The following IGSF11 variants were observed in gnomAD, a reference collection of about 807,000 sequenced individuals.
The protein encoded by IGSF11 is CXADR like 1.
A neutral mutation model predicts 41.0 loss-of-function variants in IGSF11; 22 were observed. The ratio of observed to expected loss-of-function variants is 0.54; its 90% CI spans 0.38 to 0.77. IGSF11 has a LOEUF of 0.77. Among genes scored for constraint, IGSF11 ranks in the 30% least tolerant of loss-of-function variants. IGSF11 has a pLI of 0.00. For missense variants in IGSF11, 444 were observed against 530.8 expected (o/e 0.84, Z 1.61); for synonymous variants, 219 against 201.3 (o/e 1.09, Z -0.74).
chr3:119,135,383 C>A (rs1474811585), intron 1 of IGSF11, among the ~76,000 whole-genome samples: 1 of 152,102 alleles, frequency 6.6e-6, no homozygotes, highest in Non-Finnish European at 1.5e-5. Context: ...ACAAACAACC[C>A]CATCAAAAAG....
At position 119,112,476 on chromosome 3, in the gene IGSF11, G is replaced by A. The variant is rs562251239; in HGVS notation, c.-13-7271C>T. Among the ~76,000 whole-genome samples the A allele has an allele frequency of 8.5e-5, 13 of 152,252 alleles. No individual in the cohort carries two copies. The South Asian group carries it at 1.2e-3, about 15-fold the overall frequency. On this transcript the variant is annotated intron_variant, in intron 1 of 7. Transcript: ENST00000425327. ...CGCAGTATTTGGGTGGGAGTGACCCGATTTTCCAGGTGCCGTCTGTCACCC... is the reference window on the plus strand; with the variant it reads ...CGCAGTATTTGGGTGGGAGTGACCCAATTTTCCAGGTGCCGTCTGTCACCC...
intron 1 of IGSF11, among the ~76,000 whole-genome samples, chr3:118,968,628 CAG>C (rs1319473292): frequency 1.3e-5 from 2 of 152,142 alleles, no homozygotes; most frequent in Admixed American, 1.3e-4. Flanking sequence ...TTACACAAGA[CAG>C]AGCAATAACT....
intron 1 of IGSF11, among the ~76,000 whole-genome samples, chr3:118,940,055 A>G (rs1443121756): frequency 6.6e-6 from 1 of 152,202 alleles, no homozygotes; most frequent in Non-Finnish European, 1.5e-5. Context: ...AGAAGAACAA[A>G]GAGATATTAT....
intron 1 of IGSF11, among the ~76,000 whole-genome samples, chr3:119,103,761 A>G (rs745725481): frequency 1.3e-5 from 2 of 152,202 alleles, no homozygotes; most frequent in Admixed American, 6.5e-5. Context: ...ATTCCTACCA[A>G]TCCTGCTTCT....
At chr3:119,056,797 G>C (rs1244217633) in intron 1 of IGSF11, among the ~76,000 whole-genome samples, 1 of 152,148 alleles carries the variant, frequency 6.6e-6, no homozygotes, top group African/African-American at 2.4e-5. Flanking sequence ...CTTCATCCCT[G>C]GGATGCAAGG....
chr3:118,984,980 A>G (rs543431652), intron 1 of IGSF11, among the ~76,000 whole-genome samples: 4 of 152,186 alleles, frequency 2.6e-5, no homozygotes, highest in Non-Finnish European at 5.9e-5. Context: ...CCACCAAGGC[A>G]TTTACATTTA....
intron 2 of IGSF11, among the ~76,000 whole-genome samples, 185 bp from the exon 3 acceptor site, chr3:118,928,901 C>G (rs1942602564): frequency 6.6e-6 from 1 of 151,918 alleles, no homozygotes; most frequent in African/African-American, 2.4e-5. Context: ...GTTTTAAATT[C>G]TCACATAACA....
chr3:119,007,625 C>G (rs1177653548), intron 1 of IGSF11, among the ~76,000 whole-genome samples: 1 of 152,106 alleles, frequency 6.6e-6, no homozygotes, highest in Non-Finnish European at 1.5e-5. Context: ...TTTCACCTAT[C>G]CTTTCCCCTT....
intron 1 of IGSF11, among the ~76,000 whole-genome samples, chr3:119,032,438 G>A (rs1940493224): frequency 6.6e-6 from 1 of 152,154 alleles, no homozygotes; most frequent in African/African-American, 2.4e-5. Flanking sequence ...CCGCCCCACA[G>A]TAAGGAAACT....
intron 4 of IGSF11, among the ~76,000 whole-genome samples, chr3:118,916,713 A>G (rs976495097): frequency 6.6e-6 from 1 of 152,006 alleles, no homozygotes; most frequent in Admixed American, 6.6e-5. Flanking sequence ...CAGAAAGTCA[A>G]CAAGGATACC....
intron 1 of IGSF11, chr3:118,947,265 T>C (rs761596386): frequency 6.6e-6 from 1 of 152,186 alleles, no homozygotes; most frequent in Non-Finnish European, 1.5e-5. Flanking sequence ...GCAAAATGGC[T>C]TGCAACTAAT....
Position 118,964,020 on chromosome 3 carries a change from G to A in IGSF11, c.53-33745C>T, listed in dbSNP as rs561110277. Among the ~76,000 whole-genome samples the A allele has an allele frequency of 2.6e-5, 4 of 152,192 alleles. No individual in the cohort carries two copies. The East Asian group carries it at 5.8e-4, about 22-fold the overall frequency. On this transcript the variant is annotated intron_variant, in intron 1 of 6. Coordinates refer to ENST00000393775, the MANE Select transcript of IGSF11 (RefSeq NM_001015887.3). ...ATATGACAGCCAGAAAGATCCTTGAGAGACCATTTAATTCAACCTTCTATA... is the reference window on the plus strand; with the variant it reads ...ATATGACAGCCAGAAAGATCCTTGAAAGACCATTTAATTCAACCTTCTATA...
intron 1 of IGSF11, among the ~76,000 whole-genome samples, chr3:119,102,563 C>T (rs1392945882): frequency 6.6e-6 from 1 of 152,118 alleles, no homozygotes; most frequent in African/African-American, 2.4e-5. Flanking sequence ...TACTTATATC[C>T]AAGACATTTT....
intron 1 of IGSF11, among the ~76,000 whole-genome samples, chr3:118,948,878 A>G (rs947482207): frequency 4.7e-4 from 71 of 151,662 alleles, no homozygotes; most frequent in Middle Eastern, 3.4e-3. Context: ...AGGCTCAGGC[A>G]GGAGAATGGC....
In IGSF11 at chr3:119,057,885, T is replaced by C. The variant is rs1382265752; in HGVS notation, c.49+47259A>G. 6.6e-5 allele frequency among the ~76,000 whole-genome samples: 10 copies of C among 152,356 alleles called. No individual in the cohort carries two copies. The South Asian group carries it at 2.1e-3, about 32-fold the overall frequency. ...CAAGCAATGGGGAAAGGATTCCCTA[T>C]TTAATAAATGGTGCTGGGAAAACTG... On this transcript the variant is annotated intron_variant, in intron 1 of 6. Coordinates refer to the IGSF11 transcript ENST00000354673.
chr3:118,957,612 T>C (rs1945055342), intron 1 of IGSF11, among the ~76,000 whole-genome samples: 1 of 152,218 alleles, frequency 6.6e-6, no homozygotes, highest in South Asian at 2.1e-4. Context: ...ACACTCGCCA[T>C]TCCTTGTAGG....
rs532926629 is a variant in IGSF11 at position 118,912,320 on chromosome 3, T to C, written c.581-6602A>G. Among the ~76,000 whole-genome samples, 13 of 152,316 alleles carry C rather than the reference T, an allele frequency of 8.5e-5. No individual in the cohort carries two copies. The South Asian group carries it at 2.5e-3, about 29-fold the overall frequency. On this transcript the variant is annotated intron_variant, in intron 4 of 6. Coordinates refer to ENST00000393775, the MANE Select transcript of IGSF11 (RefSeq NM_001015887.3). ...GAAACAACTGTGCTTATCTCCATCC[T>C]TGGTTGCCAAGAAGCTGCAGGACTT...
chr3:118,907,633 A>G (rs1226330101), intron 4 of IGSF11, among the ~76,000 whole-genome samples: 1 of 152,192 alleles, frequency 6.6e-6, no homozygotes, highest in African/African-American at 2.4e-5. Context: ...TGTGTACCAC[A>G]TACACTGCAC....
At chr3:119,052,763 C>G (rs779258856) in intron 1 of IGSF11, among the ~76,000 whole-genome samples, 1 of 151,778 alleles carries the variant, frequency 6.6e-6, no homozygotes, top group Non-Finnish European at 1.5e-5. Flanking sequence ...ACTAACTAAT[C>G]GAATCCAACA....
Sources: gnomAD v4.1 joint callset for allele counts (sites outside exome capture counted in the v4.1 genomes callset) on GRCh38, gnomAD v4.1.1 for gene constraint, MANE v1.5 for transcripts, NCBI Gene and HGNC (gene_info 2026-07-23, HGNC 2026-07-21) for gene names.